LTBP1: variants seen among roughly 807,000 people sequenced by gnomAD.
The protein encoded by LTBP1 is latent transforming growth factor beta binding protein 1.
In LTBP1, 129 loss-of-function variants were observed where a neutral mutation model predicts 207.6. The ratio of observed to expected loss-of-function variants is 0.62; its 90% confidence interval spans 0.54 to 0.72. The LOEUF is 0.72. Among genes scored for constraint, LTBP1 ranks in the 30% least tolerant of loss-of-function variants. LTBP1 has a pLI of 0.00. For synonymous variants in LTBP1, 963 were observed against 833.7 expected (o/e 1.16, Z -2.67); for missense variants, 2,281 against 2,217.2 (o/e 1.03, Z -0.58).
intron 20 of LTBP1, among the ~76,000 whole-genome samples, chr2:33,296,630 G>C (rs747661970): frequency 5.9e-5 from 9 of 152,140 alleles, no homozygotes; most frequent in African/African-American, 1.7e-4. Context: ...TGCCATCCCA[G>C]CTGAGCCTGG....
chr2:33,112,479 A>G (rs374384140), intron 4 of LTBP1, among the ~76,000 whole-genome samples: 3 of 152,230 alleles, frequency 2.0e-5, no homozygotes, highest in African/African-American at 7.2e-5. Context: ...ATGTAGACTA[A>G]TATACATTAT....
intron 3 of LTBP1, among the ~76,000 whole-genome samples, chr2:33,068,413 T>G (rs1183138096): frequency 2.6e-5 from 4 of 152,136 alleles, no homozygotes; most frequent in Non-Finnish European, 1.5e-5. Context: ...GAGGGGTAAT[T>G]TGTTATAAAT....
chr2:33,364,540 G>T (rs1316733710), intron 30 of LTBP1, among the ~76,000 whole-genome samples, 184 bp downstream of exon 30: 2 of 152,232 alleles, frequency 1.3e-5, no homozygotes, highest in Non-Finnish European at 2.9e-5. Context: ...GTATGTAGGA[G>T]ATTTAATAGC....
chr2:33,285,301 G>A (rs941370420), intron 19 of LTBP1, among the ~76,000 whole-genome samples: 3 of 151,638 alleles, frequency 2.0e-5, no homozygotes, highest in Non-Finnish European at 2.9e-5. Context: ...CTCAGTCCCC[G>A]AAAGTGCTGG....
At chr2:33,324,131 A>T (rs2094394534) in intron 24 of LTBP1, among the ~76,000 whole-genome samples, 1 of 152,096 alleles carries the variant, frequency 6.6e-6, no homozygotes, top group South Asian at 2.1e-4. Context: ...CTGGTACCTT[A>T]GTTACAGCAG....
chr2:32,952,920 C>T (rs970931177), intron 2 of LTBP1, among the ~76,000 whole-genome samples: 5 of 152,178 alleles, frequency 3.3e-5, no homozygotes, highest in Non-Finnish European at 5.9e-5. Context: ...CTTCCATACA[C>T]GCATGGATGG....
chr2:33,235,552 G>A (rs139991539), intron 9 of LTBP1, among the ~76,000 whole-genome samples: 4,800 of 152,122 alleles, frequency 0.032, 85 homozygotes, highest in Non-Finnish European at 0.038. Context: ...CCCATTACTG[G>A]GTATATACCC....
chr2:33,289,328 G>A (rs1336394139), intron 19 of LTBP1, among the ~76,000 whole-genome samples: 5 of 152,132 alleles, frequency 3.3e-5, no homozygotes, highest in African/African-American at 1.2e-4. Context: ...AAGCCCATTG[G>A]TAAATTGTTT....
chr2:33,164,148 A>C (rs1208676685), intron 5 of LTBP1, among the ~76,000 whole-genome samples: 2 of 151,786 alleles, frequency 1.3e-5, no homozygotes, highest in Non-Finnish European at 2.9e-5. Context: ...CAGGAGTTCG[A>C]GACCAGCCTG....
chr2:33,286,829 G>A (rs1378846619), intron 19 of LTBP1, among the ~76,000 whole-genome samples: 2 of 152,096 alleles, frequency 1.3e-5, no homozygotes, highest in South Asian at 2.1e-4. Flanking sequence ...ACTATCGCAA[G>A]GACAAAAAAC....
chr2:32,968,561 T>C (rs961206894), intron 2 of LTBP1, among the ~76,000 whole-genome samples: 1 of 152,206 alleles, frequency 6.6e-6, no homozygotes, highest in African/African-American at 2.4e-5. Context: ...GTTTTCTTTT[T>C]TGATCCACTC....
intron 3 of LTBP1, among the ~76,000 whole-genome samples, chr2:33,029,031 A>G (rs1262829748): frequency 2.6e-5 from 4 of 152,228 alleles, no homozygotes; most frequent in African/African-American, 9.7e-5. Flanking sequence ...GAAAGCAAAC[A>G]GGGACATTCA....
At chr2:32,987,095 A>G (rs537807594) in intron 2 of LTBP1, among the ~76,000 whole-genome samples, 2 of 152,324 alleles carry the variant, frequency 1.3e-5, no homozygotes, top group South Asian at 2.1e-4. Flanking sequence ...GGGATGCTGG[A>G]TGGACAGAAA....
intron 3 of LTBP1, among the ~76,000 whole-genome samples, chr2:33,036,782 TC>T (rs2075947778): frequency 6.6e-6 from 1 of 152,156 alleles, no homozygotes; most frequent in South Asian, 2.1e-4. Context: ...TTTCTACAAG[TC>T]TTCTGTTGCA....
intron 2 of LTBP1, among the ~76,000 whole-genome samples, chr2:32,956,527 C>T (rs1678099790): frequency 6.6e-6 from 1 of 152,206 alleles, no homozygotes; most frequent in Admixed American, 6.5e-5. Context: ...GTCCCATCTT[C>T]AGGCTCCACT....
intron 22 of LTBP1, among the ~76,000 whole-genome samples, chr2:33,303,432 C>T (rs2094026956): frequency 6.7e-6 from 1 of 150,250 alleles, no homozygotes; most frequent in Non-Finnish European, 1.5e-5. Context: ...TCACTGCAAG[C>T]TTCGCCTCCC....
intron 7 of LTBP1, among the ~76,000 whole-genome samples, chr2:33,199,469 G>A (rs1326772924): frequency 1.3e-5 from 2 of 152,116 alleles, no homozygotes; most frequent in South Asian, 2.1e-4. Flanking sequence ...TTGATGGGAT[G>A]TATCTCAAAA....
chr2:33,221,048 T>A (rs916857669), intron 8 of LTBP1, among the ~76,000 whole-genome samples: 10 of 152,230 alleles, frequency 6.6e-5, no homozygotes, highest in Admixed American at 2.0e-4. Context: ...TTTACTCCTC[T>A]TTCAAGTCTT....
chr2:33,207,930 A>G (rs1283718245), intron 7 of LTBP1, among the ~76,000 whole-genome samples: 1 of 152,240 alleles, frequency 6.6e-6, no homozygotes, highest in Non-Finnish European at 1.5e-5. Flanking sequence ...TGTTTATATC[A>G]TAGTGAAAAG....
Sources: allele counts gnomAD v4.1 joint callset (sites outside exome capture counted in the v4.1 genomes callset), GRCh38; gene constraint gnomAD v4.1.1; transcripts MANE v1.5; gene names NCBI Gene and HGNC (gene_info 2026-07-23, HGNC 2026-07-21).